The following RPS24 variants were observed in gnomAD, a reference collection of about 807,000 sequenced individuals.
RPS24 encodes the protein ribosomal protein S24, also known as small ribosomal subunit protein eS24.
For synonymous variants in RPS24, 72 were observed against 55.6 expected, an observed-to-expected ratio of 1.30 and a Z score of -1.31; for missense variants, 100 against 162.5, an observed-to-expected ratio of 0.62 and a Z score of 2.09.
At chr10:78,037,980 C>T (rs1847912664) in intron 4 of RPS24, 1 of 1,277,200 alleles carries the variant, frequency 7.8e-7, no homozygotes, top group African/African-American at 1.7e-5. Flanking sequence ...AAGTGTCTAG[C>T]AGGTACTGAG....
At chr10:78,034,534 T>C (rs1249805062) in intron 1 of RPS24, 2 of 154,166 alleles carry the variant, frequency 1.3e-5, no homozygotes, top group Non-Finnish European at 2.9e-5. Context: ...AAGAATTGAG[T>C]ACCACTGACG....
Position 78,034,255 on chromosome 10 carries a change from G to T in RPS24, c.3+351G>T, listed in dbSNP as rs541895265. ...AGTTCCTCATTGGGCTAGGTAGGCG[G>T]CTTGCAGGTGATGGCAGTACAAGAG... On this transcript the variant is annotated intron_variant, in intron 1 of 5. Coordinates refer to ENST00000372360, the MANE Select transcript of RPS24 (RefSeq NM_033022.4). 7.5e-4 allele frequency: 340 copies of T among 450,556 alleles called. 2 individuals carry two copies. Among genetic ancestry groups the T allele is most frequent in the Non-Finnish European group, 7.4e-4 (181 of 245,352 alleles). 27.9% of individuals were successfully genotyped at this position (450,556 alleles called of 1,614,324 possible). A position where few individuals can be genotyped will look rare whatever the true frequency, so the allele number is the denominator to read the frequency against.
intron 4 of RPS24, among the ~76,000 whole-genome samples, chr10:78,052,245 C>G (rs543132936): frequency 1.3e-5 from 2 of 152,102 alleles, no homozygotes; most frequent in East Asian, 3.9e-4. Context: ...AGGCTGGTCT[C>G]GGACTCCTGG....
chr10:78,054,904 C>A lies in RPS24; in HGVS notation c.764C>A (p.Ser255Ter). The A allele has an allele frequency of 6.5e-7, 1 of 1,537,828 alleles. No homozygotes were observed. Among genetic ancestry groups the A allele is most frequent in the Non-Finnish European group, 8.8e-7 (1 of 1,137,576 alleles). Residue 255 changes from serine to a stop codon, truncating the protein, a stop_gained, in exon 5 of 5, where the codon TCA (serine) becomes TAA (stop). Transcript: ENST00000440692. LOFTEE classifies it low-confidence loss of function (END_TRUNC). ...GCCTTGTCAGCAACCTTGACTCTGT[C>A]ACCCCACATCCAGGCCATCAACAAG...
intron 4 of RPS24, among the ~76,000 whole-genome samples, chr10:78,049,401 A>AACCCAT (rs1848077457): frequency 6.6e-6 from 1 of 152,164 alleles, no homozygotes; most frequent in South Asian, 2.1e-4. Context: ...AGGGTATGTT[A>AACCCAT]GGGAGGAGGC....
downstream of RPS24, among the ~76,000 whole-genome samples, chr10:78,044,038 A>C (rs1420239982): frequency 6.6e-6 from 1 of 152,202 alleles, no homozygotes; most frequent in Admixed American, 6.5e-5. Context: ...AAAAGAGTTC[A>C]TGCAGCCTAC....
chr10:78,038,059 C>CAACA, intron 4 of RPS24: 2 of 895,884 alleles, frequency 2.2e-6, no homozygotes, highest in Non-Finnish European at 3.1e-6. Flanking sequence ...GCATGTTGGC[C>CAACA]TTTGGACGAC....
At chr10:78,035,484 A>G in intron 2 of RPS24, 27 bp from the exon 3 acceptor site, 1 of 1,611,038 alleles carries the variant, frequency 6.2e-7, no homozygotes, top group Non-Finnish European at 8.5e-7. Flanking sequence ...TATCATACTG[A>G]ATGCTAAACT....
chr10:78,034,567 C>T (rs1847819343), intron 1 of RPS24: 1 of 153,814 alleles, frequency 6.5e-6, no homozygotes, highest in African/African-American at 2.4e-5. Flanking sequence ...GGTGTGGTTT[C>T]TCAAAGTAAA....
At chr10:78,034,301 G>T in intron 1 of RPS24, 1 of 318,496 alleles carries the variant, frequency 3.1e-6, no homozygotes, top group Non-Finnish European at 5.9e-6. Flanking sequence ...TGCGGGCAGC[G>T]CCTGGGCGAG....
exon 5 of RPS24, chr10:78,055,192 C>G (rs1848138825): frequency 2.0e-6 from 2 of 1,012,828 alleles, no homozygotes; most frequent in African/African-American, 1.6e-5. Flanking sequence ...CCCACGCCCC[C>G]ACAATCCCCC....
In RPS24 at chr10:78,040,214, A is replaced by G; in HGVS notation, c.*8A>G. The G allele has an allele frequency of 1.2e-6, 2 of 1,613,362 alleles. No individual in the cohort carries two copies. The highest frequency in any genetic ancestry group is 1.7e-6 in the Non-Finnish European group (2 of 1,179,512). On this transcript the variant is annotated 3_prime_UTR_variant, in exon 5 of 6. Coordinates refer to ENST00000372360, the MANE Select transcript of RPS24 (RefSeq NM_033022.4). ...CCGCCACTGATTCAGTGAGCTGGAG[A>G]TTGGATCACAGGTATAATTCAAGCT... is the stretch of plus-strand genomic sequence containing the variant.
At chr10:78,034,147 C>G (rs111260760) in intron 1 of RPS24, 19 of 314,644 alleles carry the variant, frequency 6.0e-5, no homozygotes, top group African/African-American at 2.1e-4. Context: ...GGAGCTGTTG[C>G]GCTTGTTGAC....
At chr10:78,046,307 AG>A (rs1205271590) in intron 4 of RPS24, among the ~76,000 whole-genome samples, 16 of 151,420 alleles carry the variant, frequency 1.1e-4, no homozygotes, top group Non-Finnish European at 1.5e-4. Context: ...ACCATGTGCC[AG>A]GTACTGAGCT....
intron 5 of RPS24, 72 bp from the exon 6 acceptor site, chr10:78,040,543 A>G (rs1847970827): frequency 1.9e-6 from 2 of 1,073,808 alleles, no homozygotes; most frequent in African/African-American, 3.1e-5. Flanking sequence ...GAGTGTTACT[A>G]CTTTTGGAAT....
intron 1 of RPS24, 93 bp from the exon 2 acceptor site, chr10:78,035,259 A>C: frequency 7.8e-7 from 1 of 1,280,492 alleles, no homozygotes; most frequent in Non-Finnish European, 1.1e-6. Flanking sequence ...TAATGGCTAC[A>C]AATTGGACTG....
chr10:78,034,175 A>G (rs1847805480), intron 1 of RPS24: 1 of 105,098 alleles, frequency 9.5e-6, no homozygotes, highest in Non-Finnish European at 1.8e-5. Flanking sequence ...AGCACGGTGG[A>G]TGGGGGTAGG....
In RPS24 at chr10:78,040,616, C is replaced by T. The variant is rs114512325; in HGVS notation, c.*21C>T. 3.1e-4 allele frequency: 493 copies of T among 1,612,980 alleles called. 2 individuals carry two copies. The Middle Eastern group carries it at 3.3e-3, about 11-fold the overall frequency. On this transcript the variant is annotated splice_region_variant and 3_prime_UTR_variant, in exon 6 of 6. Coordinates refer to ENST00000372360, the MANE Select transcript of RPS24 (RefSeq NM_033022.4). Reference sequence around the variant, plus strand: ...AAACTTCTTTCTCTTGATTCACAGCCGAAGGAGTAAAGGTGCTGCAATGAT... The same window carrying T: ...AAACTTCTTTCTCTTGATTCACAGCTGAAGGAGTAAAGGTGCTGCAATGAT...
intron 3 of RPS24, 100 bp downstream of exon 3, chr10:78,035,820 GA>G: frequency 1.1e-6 from 1 of 935,272 alleles, no homozygotes; most frequent in Non-Finnish European, 1.7e-6. Flanking sequence ...AGCAATCTGG[GA>G]TACAACTCTG....
Sources: gnomAD v4.1 joint callset for allele counts (sites outside exome capture counted in the v4.1 genomes callset) on GRCh38, gnomAD v4.1.1 for gene constraint, MANE v1.5 for transcripts, NCBI Gene and HGNC (gene_info 2026-07-23, HGNC 2026-07-21) for gene names.